The following FKBP6 variants were observed in gnomAD, a reference collection of about 807,000 sequenced individuals.
FKBP6 encodes FKBP prolyl isomerase family member 6 (inactive).
FKBP6 carries 29 observed loss-of-function variants against 41.7 expected under a neutral mutation model. The observed-to-expected ratio is 0.70, with a 90% confidence interval of 0.52 to 0.95. FKBP6 has a LOEUF of 0.95. Among genes scored for constraint, FKBP6 ranks in the 40% least tolerant of loss-of-function variants. The pLI, the probability that FKBP6 is intolerant of heterozygous loss-of-function variation, is 0.00. For missense variants in FKBP6, 338 were observed against 408.7 expected, an observed-to-expected ratio of 0.83 and a Z score of 1.49; for synonymous variants, 130 against 165.1, an observed-to-expected ratio of 0.79 and a Z score of 1.63.
chr7:73,357,858 C>T (rs1805678067), intron 8 of FKBP6, among the ~76,000 whole-genome samples: 2 of 151,652 alleles, frequency 1.3e-5, no homozygotes, highest in South Asian at 2.1e-4. Context: ...CGTGGTGGTG[C>T]GTGCCTGTAA....
chr7:73,328,570 A>T lies in FKBP6; in HGVS notation c.58-5A>T. The T allele has an allele frequency of 6.3e-7, 1 of 1,588,830 alleles. No homozygotes were observed. The highest frequency in any genetic ancestry group is 1.1e-5 in the South Asian group (1 of 89,918). On this transcript the variant is annotated splice_polypyrimidine_tract_variant and splice_region_variant and intron_variant, in intron 1 of 8. Coordinates refer to ENST00000252037, the MANE Select transcript of FKBP6 (RefSeq NM_003602.5). ...CTCTGAGGCCTGGCTTTCATTCTCCATCAGTCCCTGTACGAGCGGTTAAGT... is the reference window on the plus strand; with the variant it reads ...CTCTGAGGCCTGGCTTTCATTCTCCTTCAGTCCCTGTACGAGCGGTTAAGT...
At chr7:73,340,917 CTTTT>C (rs368227645) in intron 6 of FKBP6, 85 bp downstream of exon 6, 12,964 of 474,832 alleles carry the variant, frequency 0.027, 3 homozygotes, top group East Asian at 0.07. Flanking sequence ...AAAATGCTGT[CTTTT>C]TTTTTTTTTT....
intron 8 of FKBP6, among the ~76,000 whole-genome samples, chr7:73,356,446 G>A (rs1253865903): frequency 6.6e-6 from 1 of 152,156 alleles, no homozygotes; most frequent in Admixed American, 6.5e-5. Context: ...GTTTGTTCTT[G>A]GTAGTGTCTG....
intron 7 of FKBP6, among the ~76,000 whole-genome samples, chr7:73,341,930 TG>T (rs1805203718): frequency 6.6e-6 from 1 of 151,794 alleles, no homozygotes; most frequent in Non-Finnish European, 1.5e-5. Flanking sequence ...CCTTCCAAAG[TG>T]CTGGGATTAC....
chr7:73,330,079 G>A, intron 3 of FKBP6, 71 bp from the exon 4 acceptor site: 2 of 1,146,754 alleles, frequency 1.7e-6, no homozygotes, highest in Non-Finnish European at 2.6e-6. Flanking sequence ...TGACTTAGAG[G>A]GGGAAGAAAC....
intron 5 of FKBP6, chr7:73,339,268 G>T (rs1458679367): frequency 2.0e-5 from 3 of 152,170 alleles, no homozygotes; most frequent in Non-Finnish European, 4.4e-5. Flanking sequence ...TGCATCTAGT[G>T]CAAGGTAAAC....
intron 7 of FKBP6, 147 bp from the exon 8 acceptor site, chr7:73,342,660 T>C: frequency 1.4e-6 from 1 of 725,882 alleles, no homozygotes; most frequent in Non-Finnish European, 2.5e-6. Flanking sequence ...CCTCCCCACC[T>C]CTCCAGCTTA....
intron 5 of FKBP6, among the ~76,000 whole-genome samples, chr7:73,333,680 T>G (rs1232491993): frequency 2.0e-5 from 3 of 152,224 alleles, no homozygotes; most frequent in Non-Finnish European, 4.4e-5. Context: ...GGATTTCCTG[T>G]TTTTTTCTCA....
intron 8 of FKBP6, 56 bp from the exon 9 acceptor site, chr7:73,358,125 C>T (rs1022372953): frequency 2.0e-5 from 3 of 152,040 alleles, no homozygotes; most frequent in Non-Finnish European, 2.9e-5. Context: ...GTGACTGTGA[C>T]GTCGTGTGGC....
At chr7:73,355,644 T>TAA (rs60526808) in intron 8 of FKBP6, among the ~76,000 whole-genome samples, 29 of 143,546 alleles carry the variant, frequency 2.0e-4, no homozygotes, top group Middle Eastern at 3.5e-3. Context: ...TCTCCAAAGG[T>TAA]AAAAAAAAAA....
rs541123645 is a variant in FKBP6, at chr7:73,343,769, C to T, written c.*2+870C>T. ...TGGAAACAAAATCACCTGCCTGAAA[C>T]ACCTGCTTAGCTGCACAGATAACTC... On this transcript the variant is annotated intron_variant, in intron 8 of 8. Transcript: ENST00000252037. 2.0e-5 allele frequency among the ~76,000 whole-genome samples: 3 copies of T among 152,272 alleles called. No homozygotes were observed. The East Asian group carries it at 5.8e-4, about 29-fold the overall frequency.
intron 5 of FKBP6, chr7:73,336,796 A>G (rs1009596835): frequency 2.2e-6 from 1 of 456,680 alleles, no homozygotes; most frequent in Non-Finnish European, 4.4e-6. Context: ...ACCTGTTAAC[A>G]GGGTCCAGGA....
chr7:73,351,841 C>T (rs938399107), intron 8 of FKBP6, among the ~76,000 whole-genome samples: 10 of 152,122 alleles, frequency 6.6e-5, no homozygotes, highest in Non-Finnish European at 1.3e-4. Context: ...ATGGAAGTGC[C>T]CTTTATGATT....
chr7:73,334,288 C>T (rs1203736562), intron 5 of FKBP6, among the ~76,000 whole-genome samples: 1 of 152,096 alleles, frequency 6.6e-6, no homozygotes, highest in Non-Finnish European at 1.5e-5. Flanking sequence ...CTCTGGGAAA[C>T]TTTCTTGAGT....
At chr7:73,352,547 G>C (rs548579369) in intron 8 of FKBP6, among the ~76,000 whole-genome samples, 3 of 152,270 alleles carry the variant, frequency 2.0e-5, no homozygotes, top group African/African-American at 7.2e-5. Flanking sequence ...CCATTCTGCA[G>C]GTGCTGATCC....
chr7:73,347,621 T>C (rs1805367892), intron 8 of FKBP6, among the ~76,000 whole-genome samples: 1 of 152,222 alleles, frequency 6.6e-6, no homozygotes, highest in Non-Finnish European at 1.5e-5. Flanking sequence ...CTTGGCTTCA[T>C]ACAGCTAAAG....
chr7:73,351,175 A>G (rs782062413), intron 8 of FKBP6, among the ~76,000 whole-genome samples: 1 of 152,096 alleles, frequency 6.6e-6, no homozygotes. Flanking sequence ...CGCCACAGAC[A>G]TGCGCTACCA....
chr7:73,331,895 G>A (rs998652752), intron 5 of FKBP6, 119 bp downstream of exon 5: 87 of 1,057,384 alleles, frequency 8.2e-5, no homozygotes, highest in Non-Finnish European at 1.2e-4. Context: ...CAAGAGTGTC[G>A]CTCTGTCGCC....
chr7:73,353,094 G>A (rs897873823), intron 8 of FKBP6, among the ~76,000 whole-genome samples: 1 of 151,806 alleles, frequency 6.6e-6, no homozygotes, highest in African/African-American at 2.4e-5. Context: ...CTCCCTTTCT[G>A]TCTCTCCCTC....
Sources: gnomAD v4.1 joint callset for allele counts (sites outside exome capture counted in the v4.1 genomes callset) on GRCh38, gnomAD v4.1.1 for gene constraint, MANE v1.5 for transcripts, NCBI Gene and HGNC (gene_info 2026-07-23, HGNC 2026-07-21) for gene names.